RASGRF2: variants seen among roughly 807,000 people sequenced by gnomAD.
RASGRF2 encodes ras-specific guanine nucleotide-releasing factor 2.
In RASGRF2, 76 loss-of-function variants were observed where a neutral mutation model predicts 151.0. That is an observed-to-expected ratio of 0.50 (90% confidence interval 0.42 to 0.61). The LOEUF (loss-of-function observed/expected upper bound fraction) is 0.61. RASGRF2 is among the 20% of genes least tolerant of loss of function. The probability of loss-of-function intolerance (pLI) is 0.00; values close to 1 mark genes in which losing one functional copy is unlikely to be tolerated. For synonymous variants in RASGRF2, 504 were observed against 566.5 expected, an observed-to-expected ratio of 0.89 and a Z score of 1.57; for missense variants, 1,148 against 1,564.6, an observed-to-expected ratio of 0.73 and a Z score of 4.49.
chr5:81,225,546 T>A (rs56270508), intron 26 of RASGRF2, 132 bp from the exon 27 acceptor site: 1 of 1,353,808 alleles, frequency 7.4e-7, no homozygotes, highest in East Asian at 2.8e-5. Flanking sequence ...TGGAAACATA[T>A]TTATGATTTT....
intron 12 of RASGRF2, among the ~76,000 whole-genome samples, chr5:81,102,199 A>G (rs1752716332): frequency 6.6e-6 from 1 of 152,200 alleles, no homozygotes; most frequent in Admixed American, 6.5e-5. Context: ...TATTAGTTCC[A>G]CATCCTAGGA....
chr5:80,967,798 A>G (rs529106152), intron 1 of RASGRF2, among the ~76,000 whole-genome samples: 1 of 152,372 alleles, frequency 6.6e-6, no homozygotes, highest in East Asian at 1.9e-4. Context: ...AGATAACATT[A>G]TAACTGATCA....
intron 18 of RASGRF2, among the ~76,000 whole-genome samples, chr5:81,180,493 G>A (rs1048688947): frequency 2.0e-5 from 3 of 152,168 alleles, no homozygotes; most frequent in South Asian, 2.1e-4. Context: ...TGCAAATGAC[G>A]TGACACAGTG....
At chr5:81,210,564 G>A (rs1186428849) in intron 22 of RASGRF2, among the ~76,000 whole-genome samples, 2 of 152,148 alleles carry the variant, frequency 1.3e-5, no homozygotes, top group Admixed American at 1.3e-4. Context: ...GTCCACCTTG[G>A]CCTATCCTAG....
At chr5:81,091,927 G>T (rs983634382) in intron 9 of RASGRF2, among the ~76,000 whole-genome samples, 2 of 152,178 alleles carry the variant, frequency 1.3e-5, no homozygotes, top group Non-Finnish European at 2.9e-5. Context: ...ATAAATGTAA[G>T]AAATTTGACT....
At chr5:80,993,791 G>A (rs1240836248) in intron 1 of RASGRF2, among the ~76,000 whole-genome samples, 1 of 152,138 alleles carries the variant, frequency 6.6e-6, no homozygotes, top group African/African-American at 2.4e-5. Context: ...AGGGAGTTGA[G>A]CTGGAGAGAT....
At chr5:81,099,907 CTTTTTTTT>C (rs577876645) in intron 12 of RASGRF2, among the ~76,000 whole-genome samples, 1 of 125,036 alleles carries the variant, frequency 8.0e-6, no homozygotes, top group African/African-American at 3.0e-5. Context: ...TTTCTTTTTT[CTTTTTTTT>C]TTTTTTTTTT....
chr5:81,024,733 T>G (rs1215681387), intron 1 of RASGRF2, among the ~76,000 whole-genome samples: 1 of 152,204 alleles, frequency 6.6e-6, no homozygotes, highest in African/African-American at 2.4e-5. Context: ...CTTTTCATGC[T>G]CCAGGATGAA....
chr5:81,027,130 G>A (rs376119696), intron 1 of RASGRF2, among the ~76,000 whole-genome samples: 127 of 152,158 alleles, frequency 8.3e-4, no homozygotes, highest in African/African-American at 2.9e-3. Context: ...CATCACCACC[G>A]TCTATTTCCA....
chr5:80,982,580 C>CTATTATTAT (rs10634471), intron 1 of RASGRF2, among the ~76,000 whole-genome samples: 13,168 of 135,008 alleles, frequency 0.098, 910 homozygotes, highest in East Asian at 0.29. Context: ...AAATTTGGTT[C>CTATTATTAT]TATTATTATT....
At chr5:80,999,542 A>G (rs1051731695) in intron 1 of RASGRF2, among the ~76,000 whole-genome samples, 2 of 151,966 alleles carry the variant, frequency 1.3e-5, no homozygotes, top group Admixed American at 6.6e-5. Flanking sequence ...TTTATGTTGT[A>G]GAGATGGGGT....
intron 1 of RASGRF2, among the ~76,000 whole-genome samples, chr5:81,010,038 TC>T (rs2112311894): frequency 6.6e-6 from 1 of 151,896 alleles, no homozygotes; most frequent in Admixed American, 6.6e-5. Flanking sequence ...TGCCTGTAGT[TC>T]CAGCTACTCG....
At chr5:81,062,360 A>C (rs10043415) in intron 2 of RASGRF2, among the ~76,000 whole-genome samples, 30,987 of 152,120 alleles carry the variant, frequency 0.2, 3,400 homozygotes, top group Middle Eastern at 0.36. Context: ...GGTTGACTTC[A>C]TAACTTAAAA....
At chr5:80,998,076 G>A (rs1748952813) in intron 1 of RASGRF2, 1 of 152,128 alleles carries the variant, frequency 6.6e-6, no homozygotes, top group African/African-American at 2.4e-5. Context: ...ACACAGGGTA[G>A]GAACTGGTGC....
intron 1 of RASGRF2, among the ~76,000 whole-genome samples, chr5:80,983,997 T>A (rs2112245175): frequency 6.6e-6 from 1 of 152,334 alleles, no homozygotes; most frequent in African/African-American, 2.4e-5. Context: ...CATCCAAGTT[T>A]ATTGTCTACA....
At chr5:81,069,578 G>A (rs1158347393) in intron 3 of RASGRF2, among the ~76,000 whole-genome samples, 2 of 152,218 alleles carry the variant, frequency 1.3e-5, no homozygotes, top group Non-Finnish European at 2.9e-5. Context: ...TAGTCTGAAT[G>A]TAGATTGCAG....
intron 5 of RASGRF2, 103 bp from the exon 6 acceptor site, chr5:81,080,018 G>A (rs1752041922): frequency 1.4e-6 from 2 of 1,396,286 alleles, no homozygotes; most frequent in Admixed American, 6.1e-5. Flanking sequence ...GGCCCTATGG[G>A]ACATATATAT....
chr5:81,142,304 T>C (rs574189047), intron 17 of RASGRF2, among the ~76,000 whole-genome samples: 1 of 152,300 alleles, frequency 6.6e-6, no homozygotes, highest in South Asian at 2.1e-4. Flanking sequence ...ATGTTATTGA[T>C]GGCAATGTGC....
At position 81,113,719 on chromosome 5, in the gene RASGRF2, G is replaced by A. The variant is rs760127138; in HGVS notation, c.2269G>A (p.Ala757Thr). The A allele has an allele frequency of 2.5e-6, 4 of 1,613,710 alleles. No individual in the cohort carries two copies. Among genetic ancestry groups the A allele is most frequent in the East Asian group, 2.2e-5 (1 of 44,890 alleles). ...LTSPLNSKIG[A>T]LDLTTSSSPT... ...TTCTCCCTTGAACTCAAAGATAGGAGCATTGGACCTGACAACTTCCAGCAG... is the reference window on the plus strand; with the variant it reads ...TTCTCCCTTGAACTCAAAGATAGGAACATTGGACCTGACAACTTCCAGCAG... Residue 757 changes from alanine to threonine, a missense_variant, in exon 15 of 27, where the codon GCA (alanine) becomes ACA (threonine). By Grantham distance (58) the Ala-to-Thr change is moderately conservative. Around this residue, in one of 5 missense-constraint regions of RASGRF2, gnomAD observed 646 missense variants for 807.4 expected, o/e 0.80. Transcript: ENST00000265080.
Sources: gnomAD v4.1 joint callset for allele counts (sites outside exome capture counted in the v4.1 genomes callset) on GRCh38, gnomAD v4.1.1 for gene constraint, gnomAD v4.1.1 regional missense constraint, MANE v1.5 for transcripts, NCBI Gene and HGNC (gene_info 2026-07-23, HGNC 2026-07-21) for gene names.